The following CDC40 variants were observed in gnomAD, a reference collection of about 807,000 sequenced individuals.
The protein encoded by CDC40 is cell division cycle 40, also known as pre-mRNA-processing factor 17.
Under a neutral mutation model 80.6 loss-of-function variants are expected in CDC40, and 27 were observed. The ratio of observed to expected loss-of-function variants is 0.33; its 90% CI spans 0.25 to 0.46. The LOEUF (loss-of-function observed/expected upper bound fraction) is 0.46. Among genes scored for constraint, CDC40 ranks in the 20% least tolerant of loss-of-function variants. The pLI is 1.00. For synonymous variants in CDC40, 221 were observed against 232.6 expected (o/e 0.95, Z 0.45); for missense variants, 486 against 694.1 (o/e 0.70, Z 3.37).
At chr6:110,204,984 A>C (rs1327669037) in intron 3 of CDC40, among the ~76,000 whole-genome samples, 1 of 152,096 alleles carries the variant, frequency 6.6e-6, no homozygotes, top group Non-Finnish European at 1.5e-5. Flanking sequence ...TCTTCATCAA[A>C]GATCCATATG....
At chr6:110,218,174 A>G (rs1777724589) in intron 10 of CDC40, among the ~76,000 whole-genome samples, 1 of 152,242 alleles carries the variant, frequency 6.6e-6, no homozygotes, top group Non-Finnish European at 1.5e-5. Context: ...GCGCAAATTG[A>G]TTAAAATGTA....
intron 14 of CDC40, 110 bp from the exon 15 acceptor site, chr6:110,229,844 T>G: frequency 1.5e-6 from 1 of 657,462 alleles, no homozygotes; most frequent in Non-Finnish European, 2.6e-6. Context: ...TATATTTGCA[T>G]TGGATTTTTT....
In CDC40 at chr6:110,215,279, C is replaced by T. The variant is rs1489707709; in HGVS notation, c.943-7C>T. 13 of 1,609,676 alleles carry T rather than the reference C, an allele frequency of 8.1e-6. No homozygotes were observed. Among genetic ancestry groups the T allele is most frequent in the South Asian group, 6.6e-5 (6 of 90,880 alleles). On this transcript the variant is annotated splice_polypyrimidine_tract_variant and splice_region_variant and intron_variant, in intron 8 of 14. Coordinates refer to ENST00000307731, the MANE Select transcript of CDC40 (RefSeq NM_015891.3). Reference sequence around the variant, plus strand: ...TATTTCCATGTGTTGTTTTTTTTCTCCCCCAGCTATGGGAGGTTTATGGAG... The same window carrying T: ...TATTTCCATGTGTTGTTTTTTTTCTTCCCCAGCTATGGGAGGTTTATGGAG...
At chr6:110,205,926 G>T (rs1435314784) in intron 3 of CDC40, among the ~76,000 whole-genome samples, 2 of 152,076 alleles carry the variant, frequency 1.3e-5, no homozygotes, top group Non-Finnish European at 2.9e-5. Flanking sequence ...TACTCCAAAG[G>T]CTGATTTTCT....
chr6:110,183,314 A>G (rs1777224567), intron 1 of CDC40, among the ~76,000 whole-genome samples: 1 of 152,214 alleles, frequency 6.6e-6, no homozygotes, highest in Non-Finnish European at 1.5e-5. Flanking sequence ...AGATTAGGGA[A>G]GTATATTTGG....
intron 6 of CDC40, 152 bp downstream of exon 6, chr6:110,210,955 AT>A (rs1777630063): frequency 3.0e-6 from 1 of 338,296 alleles, no homozygotes; most frequent in African/African-American, 2.2e-5. Context: ...TCCCAAGGAA[AT>A]TACAGCAGAC....
intron 4 of CDC40, among the ~76,000 whole-genome samples, 162 bp downstream of exon 4, chr6:110,207,751 G>A (rs1274313625): frequency 6.6e-6 from 1 of 152,074 alleles, no homozygotes; most frequent in Non-Finnish European, 1.5e-5. Context: ...GTTCAGAAAT[G>A]TTACAGTTTA....
intron 12 of CDC40, among the ~76,000 whole-genome samples, chr6:110,220,117 C>T (rs546494596): frequency 3.5e-4 from 53 of 152,152 alleles, no homozygotes; most frequent in African/African-American, 9.9e-4. Context: ...TTTTCTTATA[C>T]GGATGACAGA....
intron 1 of CDC40, among the ~76,000 whole-genome samples, chr6:110,183,555 G>A (rs1037653771): frequency 6.6e-6 from 1 of 152,174 alleles, no homozygotes; most frequent in African/African-American, 2.4e-5. Flanking sequence ...TGAGAGCGTA[G>A]AGGGCATTGC....
At chr6:110,190,530 G>A (rs1488218109) in intron 1 of CDC40, among the ~76,000 whole-genome samples, 1 of 152,182 alleles carries the variant, frequency 6.6e-6, no homozygotes, top group Non-Finnish European at 1.5e-5. Flanking sequence ...TGAAGATGGA[G>A]TCATGGGGGA....
At chr6:110,224,804 A>G (rs964280239) in intron 12 of CDC40, among the ~76,000 whole-genome samples, 3 of 152,376 alleles carry the variant, frequency 2.0e-5, no homozygotes, top group Admixed American at 2.0e-4. Context: ...ATTCCTTGAA[A>G]TAAGGTATCC....
Position 110,219,794 on chromosome 6 carries a change from A to G in CDC40, c.1265A>G (p.Asn422Ser), listed in dbSNP as rs1777745292. The change falls in exon 12 of 15, where the codon AAC becomes AGC. Residue 422 changes from asparagine to serine, a missense_variant. Asn to Ser is a conservative substitution (Grantham distance 46). Around this residue, in one of 3 missense-constraint regions of CDC40, gnomAD observed 17 missense variants for 63.3 expected, o/e 0.27. Transcript: ENST00000307731. ...TATGATCGGCATTTGGGAGCTGTCA[A>G]CACCATTGTTTTTGTGGATGAGAAT... ...QEYDRHLGAVNTIVFVDENRR... is the reference protein window; with the variant it reads ...QEYDRHLGAVSTIVFVDENRR... 6.2e-7 allele frequency: 1 copy of G among 1,613,956 alleles called. No homozygotes were observed. Among genetic ancestry groups the G allele is most frequent in the Non-Finnish European group, 8.5e-7 (1 of 1,179,966 alleles).
chr6:110,227,473 A>G (rs1223296372), intron 13 of CDC40, among the ~76,000 whole-genome samples: 1 of 152,176 alleles, frequency 6.6e-6, no homozygotes, highest in Non-Finnish European at 1.5e-5. Flanking sequence ...GTCACTGTGC[A>G]TCTATATTTC....
At chr6:110,219,651 T>A (rs1777742972) in intron 11 of CDC40, 85 bp from the exon 12 acceptor site, 1 of 1,451,350 alleles carries the variant, frequency 6.9e-7, no homozygotes, top group Non-Finnish European at 9.5e-7. Flanking sequence ...GTTGAAGATC[T>A]TCTCCTTCTC....
At chr6:110,184,168 G>A (rs1242559481) in intron 1 of CDC40, among the ~76,000 whole-genome samples, 1 of 152,094 alleles carries the variant, frequency 6.6e-6, no homozygotes. Flanking sequence ...TCTATAGTGC[G>A]AACATTCTTA....
intron 6 of CDC40, chr6:110,211,864 G>A: frequency 3.5e-6 from 1 of 282,688 alleles, no homozygotes; most frequent in Non-Finnish European, 6.6e-6. Flanking sequence ...AGATGTGTAA[G>A]TGATGAAAAG....
intron 13 of CDC40, among the ~76,000 whole-genome samples, chr6:110,227,506 C>T (rs188340019): frequency 3.3e-5 from 5 of 152,240 alleles, no homozygotes; most frequent in African/African-American, 1.2e-4. Context: ...TTTAAACCAC[C>T]TATTACAGAT....
At chr6:110,226,288 A>G in intron 13 of CDC40, 45 bp downstream of exon 13, 2 of 1,211,754 alleles carry the variant, frequency 1.7e-6, no homozygotes, top group Non-Finnish European at 2.4e-6. Flanking sequence ...CTTCTAAGAT[A>G]CAGTGTGATT....
rs891950752 is a variant in CDC40, at chr6:110,230,964, G to A, written c.*833G>A. The A allele has an allele frequency of 6.6e-6, 1 of 152,242 alleles. No homozygotes were observed. The highest frequency in any genetic ancestry group is 2.4e-5 in the African/African-American group (1 of 41,468). 9.4% of individuals were successfully genotyped at this position (152,242 alleles called of 1,614,324 possible). ...GATTACTGAAATCCTCCTCATAGGA[G>A]ATAAAGTACGAGGGGTAGAGTCCAA... On this transcript the variant is annotated 3_prime_UTR_variant, in exon 15 of 15. Coordinates refer to ENST00000307731, the MANE Select transcript of CDC40 (RefSeq NM_015891.3).
Sources: gnomAD v4.1 joint callset for allele counts (sites outside exome capture counted in the v4.1 genomes callset) on GRCh38, gnomAD v4.1.1 for gene constraint, gnomAD v4.1.1 regional missense constraint, MANE v1.5 for transcripts, NCBI Gene and HGNC (gene_info 2026-07-23, HGNC 2026-07-21) for gene names.